GPC3: variants seen among roughly 807,000 people sequenced by gnomAD.
GPC3 encodes glypican 3, also known as glypican-3.
A neutral mutation model predicts 34.4 loss-of-function variants in GPC3; 3 were observed. That is an observed-to-expected ratio of 0.09 (90% CI 0.04 to 0.23). GPC3 has a LOEUF of 0.23. Among genes scored for constraint, GPC3 ranks in the 10% least tolerant of loss-of-function variants. The pLI is 1.00. For missense variants in GPC3, 351 were observed against 445.6 expected (o/e 0.79, Z 1.91); for synonymous variants, 177 against 174.0 (o/e 1.02, Z -0.13).
At chrX:133,542,418 G>A in intron 7 of GPC3, among the ~76,000 whole-genome samples, 1 of 111,211 alleles carries the variant, frequency 9.0e-6, no homozygotes, top group Admixed American at 9.6e-5. Flanking sequence ...ATGGAGTCTT[G>A]AGCACATAAT....
chrX:133,655,892 A>C (rs1438257133), intron 6 of GPC3, among the ~76,000 whole-genome samples: 2 of 112,382 alleles, frequency 1.8e-5, no homozygotes, highest in East Asian at 5.6e-4. Flanking sequence ...TTAACTTATT[A>C]AAAAATTTTA....
intron 2 of GPC3, among the ~76,000 whole-genome samples, chrX:133,757,089 G>C (rs1248962453): frequency 1.8e-5 from 2 of 112,088 alleles, no homozygotes; most frequent in Non-Finnish European, 3.8e-5. Context: ...AGAAATCAAG[G>C]GTTATATCCA....
At chrX:133,888,780 A>G (rs1218577418) in intron 2 of GPC3, among the ~76,000 whole-genome samples, 2 of 112,468 alleles carry the variant, frequency 1.8e-5, no homozygotes, top group Non-Finnish European at 3.7e-5. Flanking sequence ...TAACTCATGT[A>G]TGTTCATAAG....
chrX:133,713,999 T>C (rs2071293298), intron 3 of GPC3, among the ~76,000 whole-genome samples: 1 of 112,282 alleles, frequency 8.9e-6, no homozygotes, highest in African/African-American at 3.2e-5. Context: ...TGACTAATAA[T>C]TCACCCAAAG....
chrX:133,536,797 A>G (rs932213929), intron 7 of GPC3, among the ~76,000 whole-genome samples: 2 of 111,051 alleles, frequency 1.8e-5, no homozygotes, highest in Non-Finnish European at 1.9e-5. Context: ...CACCTTATAT[A>G]CATTTCCTTG....
At chrX:133,662,456 A>G (rs1354825659) in intron 5 of GPC3, among the ~76,000 whole-genome samples, 1 of 111,854 alleles carries the variant, frequency 8.9e-6, no homozygotes, top group Non-Finnish European at 1.9e-5. Flanking sequence ...GAAGATTTTA[A>G]TGTGCTCCTG....
intron 5 of GPC3, among the ~76,000 whole-genome samples, chrX:133,683,337 A>G (rs1487063154): frequency 1.8e-5 from 2 of 112,349 alleles, no homozygotes; most frequent in Admixed American, 9.4e-5. Flanking sequence ...TCCTGGTTCC[A>G]TCTCCTAAGC....
chrX:133,687,291 T>C (rs1193787449), intron 5 of GPC3, among the ~76,000 whole-genome samples: 2 of 105,248 alleles, frequency 1.9e-5, no homozygotes, highest in Admixed American at 2.1e-4. Context: ...GTGAACTCCT[T>C]AGCAGGCGCA....
At chrX:133,945,405 A>ATAC (rs1341651936) in intron 2 of GPC3, among the ~76,000 whole-genome samples, 5 of 110,195 alleles carry the variant, frequency 4.5e-5, no homozygotes, top group Non-Finnish European at 3.8e-5. Context: ...AATAATAATA[A>ATAC]TAATTTGAGT....
At chrX:133,961,109 C>A (rs2076439251) in intron 1 of GPC3, among the ~76,000 whole-genome samples, 1 of 111,727 alleles carries the variant, frequency 9.0e-6, no homozygotes. Context: ...GCATTAAAAA[C>A]CGGTGGGGAA....
intron 2 of GPC3, among the ~76,000 whole-genome samples, chrX:133,840,190 G>A (rs754777274): frequency 3.6e-5 from 4 of 110,808 alleles, no homozygotes; most frequent in Non-Finnish European, 7.5e-5. Context: ...AACTTAGAGA[G>A]GACACTAAAG....
intron 1 of GPC3, among the ~76,000 whole-genome samples, chrX:133,967,864 C>G (rs1484194880): frequency 1.8e-5 from 2 of 112,235 alleles, no homozygotes; most frequent in African/African-American, 6.5e-5. Context: ...AAATCCTGAG[C>G]TCAAGTCATC....
intron 1 of GPC3, among the ~76,000 whole-genome samples, chrX:133,956,004 C>A (rs1267001340): frequency 9.0e-6 from 1 of 111,632 alleles, no homozygotes; most frequent in African/African-American, 3.3e-5. Context: ...GAATGAAATT[C>A]ATCAAGTTTT....
At chrX:133,916,315 GA>G (rs751673447) in intron 2 of GPC3, among the ~76,000 whole-genome samples, 122 of 111,121 alleles carry the variant, frequency 1.1e-3, no homozygotes, top group African/African-American at 3.9e-3. Flanking sequence ...TATACTACAA[GA>G]CTTTTTAAAA....
chrX:133,647,410 C>T (rs1270103088), intron 6 of GPC3, among the ~76,000 whole-genome samples: 1 of 112,114 alleles, frequency 8.9e-6, no homozygotes, highest in Non-Finnish European at 1.9e-5. Flanking sequence ...GAGGCACTGT[C>T]GAGTACAAGG....
At chrX:133,635,765 A>G (rs2070415221) in intron 6 of GPC3, among the ~76,000 whole-genome samples, 1 of 109,116 alleles carries the variant, frequency 9.2e-6, no homozygotes, top group African/African-American at 3.3e-5. Flanking sequence ...TTAGTTTCCT[A>G]TGCTGTGAAA....
chrX:133,702,297 C>T (rs1479154801), intron 3 of GPC3, among the ~76,000 whole-genome samples: 2 of 112,220 alleles, frequency 1.8e-5, no homozygotes, highest in Admixed American at 1.9e-4. Context: ...TTTCATGGAA[C>T]AAAACCTTGA....
intron 7 of GPC3, among the ~76,000 whole-genome samples, chrX:133,595,081 G>T (rs1341346166): frequency 2.7e-5 from 3 of 110,841 alleles, no homozygotes; most frequent in Non-Finnish European, 3.8e-5. Flanking sequence ...AAAGTCAAAA[G>T]AGGGAGAGTA....
At chrX:133,600,646 T>A (rs2069970537) in intron 6 of GPC3, among the ~76,000 whole-genome samples, 1 of 111,594 alleles carries the variant, frequency 9.0e-6, no homozygotes, top group Non-Finnish European at 1.9e-5. Context: ...AAGAAGAGAC[T>A]GAAGCTCCAG....
Sources: allele counts gnomAD v4.1 joint callset (sites outside exome capture counted in the v4.1 genomes callset), GRCh38; gene constraint gnomAD v4.1.1; transcripts MANE v1.5; gene names NCBI Gene and HGNC (gene_info 2026-07-23, HGNC 2026-07-21).